GSE1: variants seen among roughly 807,000 people sequenced by gnomAD.
GSE1 encodes the protein Gse1 coiled-coil protein.
GSE1 carries 32 observed loss-of-function variants against 112.6 expected under a neutral mutation model. The ratio of observed to expected loss-of-function variants is 0.28; its 90% confidence interval spans 0.21 to 0.38. The LOEUF is 0.38. GSE1 is among the 10% of genes least tolerant of loss of function. The pLI is 1.00. For missense variants in GSE1, 2,348 were observed against 1,699.2 expected, an observed-to-expected ratio of 1.38 and a Z score of -6.71; for synonymous variants, 1,115 against 735.6, an observed-to-expected ratio of 1.52 and a Z score of -8.35.
intron 2 of GSE1, among the ~76,000 whole-genome samples, chr16:85,388,137 TG>T (rs1249482357): frequency 1.3e-5 from 2 of 150,530 alleles, no homozygotes; most frequent in Non-Finnish European, 3.0e-5. Context: ...GATGGATGGA[TG>T]TATGGATTGG....
chr16:85,436,976 T>C (rs2049261479), intron 2 of GSE1, among the ~76,000 whole-genome samples: 1 of 152,068 alleles, frequency 6.6e-6, no homozygotes, highest in Non-Finnish European at 1.5e-5. Flanking sequence ...GAGGTTACCG[T>C]CGAGGTCGAC....
intron 1 of GSE1, among the ~76,000 whole-genome samples, chr16:85,633,234 T>C (rs546597516): frequency 4.6e-5 from 7 of 152,270 alleles, no homozygotes; most frequent in Non-Finnish European, 2.9e-5. Context: ...CACCGCTCCC[T>C]GTCAGCCTGC....
chr16:85,320,893 T>A (rs1291622846), intron 1 of GSE1, among the ~76,000 whole-genome samples: 2 of 152,192 alleles, frequency 1.3e-5, no homozygotes, highest in African/African-American at 4.8e-5. Flanking sequence ...CCTGCTGTCC[T>A]CCTGCCCGGA....
chr16:85,398,536 G>A (rs2048018922), intron 2 of GSE1, among the ~76,000 whole-genome samples: 1 of 152,170 alleles, frequency 6.6e-6, no homozygotes, highest in South Asian at 2.1e-4. Flanking sequence ...GATAGATGGA[G>A]GTAAAGCGTG....
At chr16:85,385,357 A>T (rs1220557262) in intron 2 of GSE1, among the ~76,000 whole-genome samples, 1 of 152,204 alleles carries the variant, frequency 6.6e-6, no homozygotes, top group Non-Finnish European at 1.5e-5. Context: ...CAGGGCTCCC[A>T]GAAGAGTGTG....
At chr16:85,214,213 C>T (rs1318332341) in intron 1 of GSE1, among the ~76,000 whole-genome samples, 1 of 152,168 alleles carries the variant, frequency 6.6e-6, no homozygotes, top group East Asian at 1.9e-4. Context: ...GAGGCACCAC[C>T]TCGGGGAAGC....
intron 1 of GSE1, among the ~76,000 whole-genome samples, chr16:85,245,956 G>T (rs2143969210): frequency 6.6e-6 from 1 of 151,310 alleles, no homozygotes; most frequent in East Asian, 1.9e-4. Context: ...GGGGAGCAGG[G>T]CGTGTGTGTG....
At chr16:85,555,688 T>A, upstream of GSE1, 5 of 478,508 alleles carry the variant, frequency 1.0e-5, no homozygotes, top group Non-Finnish European at 1.2e-5. Flanking sequence ...CCCCCCTTCC[T>A]TTTTCCTTCT....
At chr16:85,295,014 G>A (rs1409261811) in intron 1 of GSE1, among the ~76,000 whole-genome samples, 1 of 151,870 alleles carries the variant, frequency 6.6e-6, no homozygotes, top group Non-Finnish European at 1.5e-5. Context: ...GCCTCCCAAG[G>A]TTCTAGGATT....
chr16:85,207,608 G>A (rs1482512582), intron 1 of GSE1, among the ~76,000 whole-genome samples: 2 of 152,230 alleles, frequency 1.3e-5, no homozygotes, highest in African/African-American at 2.4e-5. Flanking sequence ...AGGCGCTGGT[G>A]TGAGGAGCCC....
chr16:85,332,653 C>G (rs2046400240), intron 1 of GSE1, among the ~76,000 whole-genome samples: 1 of 152,120 alleles, frequency 6.6e-6, no homozygotes, highest in Non-Finnish European at 1.5e-5. Flanking sequence ...CCCTGGCTTC[C>G]TTTGCGCCAC....
At chr16:85,491,624 G>T (rs894978975) in intron 2 of GSE1, among the ~76,000 whole-genome samples, 1 of 152,124 alleles carries the variant, frequency 6.6e-6, no homozygotes, top group Admixed American at 6.5e-5. Context: ...CTCAGGCGGG[G>T]TCATGGCCCG....
At chr16:85,433,694 T>C (rs2049176049) in intron 2 of GSE1, among the ~76,000 whole-genome samples, 1 of 151,532 alleles carries the variant, frequency 6.6e-6, no homozygotes, top group Non-Finnish European at 1.5e-5. Flanking sequence ...AGCAGAAGGA[T>C]AGATGGGCCA....
intron 2 of GSE1, among the ~76,000 whole-genome samples, chr16:85,531,214 C>A (rs1337426049): frequency 6.6e-6 from 1 of 152,236 alleles, no homozygotes; most frequent in African/African-American, 2.4e-5. Context: ...TTTAGCCCCA[C>A]TGTGGGCACA....
intron 1 of GSE1, among the ~76,000 whole-genome samples, chr16:85,281,031 G>A (rs1567659778): frequency 6.6e-6 from 1 of 152,172 alleles, no homozygotes; most frequent in African/African-American, 2.4e-5. Flanking sequence ...GATGGGTTGC[G>A]GGGAAGTTTG....
intron 2 of GSE1, among the ~76,000 whole-genome samples, chr16:85,469,827 G>A (rs915113511): frequency 2.0e-5 from 3 of 152,230 alleles, no homozygotes; most frequent in Admixed American, 6.5e-5. Flanking sequence ...CTGCTGAAGC[G>A]GGTCCCCTAA....
In GSE1 at chr16:85,663,514, C is replaced by T. The variant is rs551410699; in HGVS notation, c.2544C>T (p.Arg848=). The T allele has an allele frequency of 7.1e-4, 1,147 of 1,613,924 alleles. 11 individuals are homozygous for T. The South Asian group carries it at 0.012, about 17-fold the overall frequency. Residue 848 remains arginine (R), a synonymous_variant, in exon 11 of 16, where the codon CGC becomes CGT. Coordinates refer to ENST00000253458, the MANE Select transcript of GSE1 (RefSeq NM_014615.5). ...CACCGAGACTGGCGCTGTCTACCCGCTACAGCCCTGATGAGATGAACAACA... is the reference window on the plus strand; with the variant it reads ...CACCGAGACTGGCGCTGTCTACCCGTTACAGCCCTGATGAGATGAACAACA... The part of the protein sequence containing the change: ...TPSPRLALST[R]YSPDEMNNSP...
intron 2 of GSE1, among the ~76,000 whole-genome samples, chr16:85,481,874 G>T (rs1185546233): frequency 6.6e-6 from 1 of 152,236 alleles, no homozygotes; most frequent in Admixed American, 6.5e-5. Context: ...ACGGCGCAGA[G>T]GTGGCAGAGC....
At chr16:85,588,894 C>G (rs1421499930) in intron 1 of GSE1, among the ~76,000 whole-genome samples, 2 of 152,150 alleles carry the variant, frequency 1.3e-5, no homozygotes, top group Non-Finnish European at 2.9e-5. Context: ...GCTGTGCGCA[C>G]AGCTCTGGGG....
Sources: gnomAD v4.1 joint callset for allele counts (sites outside exome capture counted in the v4.1 genomes callset) on GRCh38, gnomAD v4.1.1 for gene constraint, MANE v1.5 for transcripts, NCBI Gene and HGNC (gene_info 2026-07-23, HGNC 2026-07-21) for gene names.